The following ERBB4 variants were observed in gnomAD, a reference collection of about 807,000 sequenced individuals.
ERBB4 encodes the protein receptor tyrosine-protein kinase erbB-4.
A neutral mutation model predicts 158.0 loss-of-function variants in ERBB4; 42 were observed. The observed-to-expected ratio is 0.27, with a 90% confidence interval of 0.21 to 0.34. The LOEUF (loss-of-function observed/expected upper bound fraction) is 0.34. ERBB4 is among the 10% of genes least tolerant of loss of function. ERBB4 has a pLI of 1.00. For synonymous variants in ERBB4, 583 were observed against 558.7 expected (o/e 1.04, Z -0.61); for missense variants, 1,333 against 1,624.1 (o/e 0.82, Z 3.08).
At chr2:211,658,818 C>T (rs1286495581) in intron 15 of ERBB4, among the ~76,000 whole-genome samples, 2 of 152,200 alleles carry the variant, frequency 1.3e-5, no homozygotes, top group Non-Finnish European at 1.5e-5. Flanking sequence ...ACACAGAATT[C>T]TAATGTGCAG....
intron 2 of ERBB4, among the ~76,000 whole-genome samples, chr2:211,965,283 G>A (rs186650429): frequency 2.0e-5 from 3 of 152,272 alleles, no homozygotes; most frequent in South Asian, 2.1e-4. Flanking sequence ...CAGAACTTAG[G>A]AAATGTGTAA....
intron 1 of ERBB4, among the ~76,000 whole-genome samples, chr2:212,326,532 G>C (rs988584714): frequency 6.6e-6 from 1 of 150,712 alleles, no homozygotes; most frequent in Non-Finnish European, 1.5e-5. Context: ...TAGCCCAAAA[G>C]CTCCTTACAT....
chr2:211,408,169 C>T (rs1216914703), intron 25 of ERBB4, among the ~76,000 whole-genome samples: 2 of 152,154 alleles, frequency 1.3e-5, no homozygotes, highest in Non-Finnish European at 2.9e-5. Flanking sequence ...TAATGTGCCA[C>T]TTCTATTATA....
At chr2:212,284,003 T>C (rs2085859723) in intron 1 of ERBB4, among the ~76,000 whole-genome samples, 1 of 151,460 alleles carries the variant, frequency 6.6e-6, no homozygotes, top group South Asian at 2.1e-4. Context: ...AAACTTCAAA[T>C]AAACTTCCAA....
chr2:212,422,233 C>T (rs2091809045), intron 1 of ERBB4, among the ~76,000 whole-genome samples: 1 of 152,104 alleles, frequency 6.6e-6, no homozygotes, highest in South Asian at 2.1e-4. Context: ...AGCCTGGGAG[C>T]AGTGGTTCAT....
chr2:212,169,738 C>G (rs935512578), intron 1 of ERBB4, among the ~76,000 whole-genome samples: 3 of 152,070 alleles, frequency 2.0e-5, no homozygotes, highest in Non-Finnish European at 4.4e-5. Flanking sequence ...TGATTTTCCC[C>G]ATGCTGTTCT....
At chr2:211,749,351 G>A (rs1301806035) in intron 5 of ERBB4, among the ~76,000 whole-genome samples, 1 of 152,136 alleles carries the variant, frequency 6.6e-6, no homozygotes, top group Non-Finnish European at 1.5e-5. Flanking sequence ...AAATCAAGCT[G>A]TAGTACAACA....
intron 4 of ERBB4, among the ~76,000 whole-genome samples, chr2:211,758,618 T>G (rs1353429594): frequency 6.6e-6 from 1 of 152,214 alleles, no homozygotes; most frequent in Non-Finnish European, 1.5e-5. Flanking sequence ...TGAAAAACCT[T>G]ACCTGAAAAC....
chr2:212,024,872 G>A (rs1287204842), intron 2 of ERBB4, among the ~76,000 whole-genome samples: 1 of 151,734 alleles, frequency 6.6e-6, no homozygotes, highest in African/African-American at 2.4e-5. Flanking sequence ...AGTAACCAAG[G>A]ACCTTGGATT....
At chr2:211,666,175 A>G (rs1345616575) in intron 14 of ERBB4, among the ~76,000 whole-genome samples, 2 of 152,144 alleles carry the variant, frequency 1.3e-5, no homozygotes, top group East Asian at 1.9e-4. Context: ...GAAAACACTA[A>G]AAGTCATATT....
At chr2:211,416,810 TC>T (rs1408755426) in intron 25 of ERBB4, among the ~76,000 whole-genome samples, 28 of 138,492 alleles carry the variant, frequency 2.0e-4, no homozygotes, top group African/African-American at 8.9e-4. Context: ...GATGAAGCCT[TC>T]CCTTTTTTTT....
At chr2:211,665,588 T>G in intron 14 of ERBB4, 111 bp from the exon 15 acceptor site, 1 of 999,804 alleles carries the variant, frequency 1.0e-6, no homozygotes, top group Admixed American at 2.0e-5. Context: ...AATCTTCCTC[T>G]AAGAGAATTG....
chr2:212,064,390 A>G (rs1238639650), intron 2 of ERBB4, among the ~76,000 whole-genome samples: 1 of 152,064 alleles, frequency 6.6e-6, no homozygotes, highest in Non-Finnish European at 1.5e-5. Flanking sequence ...CTTTTACAAT[A>G]GGCAACACAT....
At chr2:211,995,341 G>A (rs1449646689) in intron 2 of ERBB4, among the ~76,000 whole-genome samples, 1 of 152,162 alleles carries the variant, frequency 6.6e-6, no homozygotes, top group Non-Finnish European at 1.5e-5. Flanking sequence ...ATTGATGATT[G>A]CAATAGTTCT....
At chr2:211,429,017 T>C (rs898370668) in intron 21 of ERBB4, among the ~76,000 whole-genome samples, 40 of 149,568 alleles carry the variant, frequency 2.7e-4, no homozygotes, top group African/African-American at 9.7e-4. Flanking sequence ...TGGTCATACT[T>C]ATTTTTTTAA....
At chr2:211,696,833 C>T (rs1475099195) in intron 12 of ERBB4, among the ~76,000 whole-genome samples, 1 of 151,920 alleles carries the variant, frequency 6.6e-6, no homozygotes, top group Non-Finnish European at 1.5e-5. Context: ...CCATGTCTGG[C>T]TAATTTTTGT....
chr2:212,282,834 C>T (rs144593205), intron 1 of ERBB4, among the ~76,000 whole-genome samples: 192 of 151,982 alleles, frequency 1.3e-3, no homozygotes, highest in African/African-American at 4.5e-3. Flanking sequence ...TGTTGCCTTA[C>T]GTGTTCAGAA....
chr2:212,374,673 T>A (rs1035716316), intron 1 of ERBB4, among the ~76,000 whole-genome samples: 21 of 151,916 alleles, frequency 1.4e-4, no homozygotes, highest in Non-Finnish European at 3.1e-4. Context: ...ATAAGACAAG[T>A]GAGATAAATG....
Position 212,211,877 on chromosome 2 carries a change from G to A in ERBB4, c.83-86974C>T, listed in dbSNP as rs117878120. 1.7e-3 allele frequency among the ~76,000 whole-genome samples: 254 copies of A among 152,072 alleles called. 5 individuals are homozygous for A. The East Asian group carries it at 0.045, about 27-fold the overall frequency. Reference sequence around the variant, plus strand: ...GGCTTATAGCTTCATACATGTCCTCGCAAAGGACATGATCTCATTTCTTTT... The same window carrying A: ...GGCTTATAGCTTCATACATGTCCTCACAAAGGACATGATCTCATTTCTTTT... On this transcript the variant is annotated intron_variant, in intron 1 of 27. Coordinates refer to ENST00000342788, the MANE Select transcript of ERBB4 (RefSeq NM_005235.3).
Sources: gnomAD v4.1 joint callset for allele counts (sites outside exome capture counted in the v4.1 genomes callset) on GRCh38, gnomAD v4.1.1 for gene constraint, MANE v1.5 for transcripts, NCBI Gene and HGNC (gene_info 2026-07-23, HGNC 2026-07-21) for gene names.